SGCZ: variants seen among roughly 807,000 people sequenced by gnomAD.
SGCZ encodes zeta-sarcoglycan.
Under a neutral mutation model 41.3 loss-of-function variants are expected in SGCZ, and 40 were observed. The observed-to-expected ratio is 0.97, with a 90% CI of 0.75 to 1.26. The LOEUF is 1.26. SGCZ is among the 50% of genes most tolerant of loss of function. SGCZ has a pLI of 0.00. For missense variants in SGCZ, 552 were observed against 369.8 expected, an observed-to-expected ratio of 1.49 and a Z score of -4.04; for synonymous variants, 206 against 137.5, an observed-to-expected ratio of 1.50 and a Z score of -3.49.
At chr8:14,465,332 G>A (rs1392677260) in intron 2 of SGCZ, among the ~76,000 whole-genome samples, 1 of 151,522 alleles carries the variant, frequency 6.6e-6, no homozygotes, top group Non-Finnish European at 1.5e-5. Context: ...TTTTCTTGTG[G>A]AACCTTTTCT....
chr8:14,319,641 C>G (rs537015533), intron 3 of SGCZ: 1 of 151,956 alleles, frequency 6.6e-6, no homozygotes, highest in Non-Finnish European at 1.5e-5. Flanking sequence ...AGACCACAGA[C>G]GATGAGTAAC....
At position 14,092,569 on chromosome 8, in the gene SGCZ, G is replaced by A. The variant is rs1240065164; in HGVS notation, c.745-1932C>T. Among the ~76,000 whole-genome samples the A allele has an allele frequency of 2.0e-5, 3 of 152,056 alleles. No homozygotes were observed. In the East Asian group the frequency reaches 5.9e-4, roughly 30 times the overall value. On this transcript the variant is annotated intron_variant, in intron 7 of 7. Transcript: ENST00000382080. ...CCATGTATTGTGGGAGGGACCCAGT[G>A]GGAGATAGTTAAATCATGGGGGCAG... is the stretch of plus-strand genomic sequence containing the variant.
chr8:14,624,853 G>A (rs929213596), intron 1 of SGCZ, among the ~76,000 whole-genome samples: 1 of 151,924 alleles, frequency 6.6e-6, no homozygotes, highest in Non-Finnish European at 1.5e-5. Context: ...TTACAGGCAT[G>A]AGCCACCACA....
chr8:14,953,326 C>T (rs1036436063), intron 1 of SGCZ, among the ~76,000 whole-genome samples: 3 of 152,130 alleles, frequency 2.0e-5, no homozygotes. Context: ...TTCAAGCAAC[C>T]AGATGTCTTG....
At chr8:14,695,756 G>A (rs1286096264) in intron 1 of SGCZ, among the ~76,000 whole-genome samples, 1 of 151,216 alleles carries the variant, frequency 6.6e-6, no homozygotes, top group African/African-American at 2.4e-5. Context: ...CATATCTAAG[G>A]GCACAAATTA....
chr8:14,680,845 A>G (rs1418008654), intron 1 of SGCZ, among the ~76,000 whole-genome samples: 1 of 151,534 alleles, frequency 6.6e-6, no homozygotes, highest in African/African-American at 2.4e-5. Context: ...AGTGTCTTAG[A>G]TGAAATATAT....
At chr8:14,823,106 T>G (rs186692474) in intron 1 of SGCZ, among the ~76,000 whole-genome samples, 20 of 132,504 alleles carry the variant, frequency 1.5e-4, no homozygotes, top group African/African-American at 4.8e-4. Context: ...GTGCAAAACA[T>G]GAAACCGTGA....
intron 1 of SGCZ, among the ~76,000 whole-genome samples, chr8:14,882,084 G>C (rs1468374583): frequency 1.3e-5 from 2 of 152,208 alleles, no homozygotes; most frequent in African/African-American, 4.8e-5. Flanking sequence ...AGTGTTAAGA[G>C]GGAAATTTAT....
chr8:14,289,994 A>G (rs1412484261), intron 3 of SGCZ, among the ~76,000 whole-genome samples: 21 of 151,842 alleles, frequency 1.4e-4, no homozygotes, highest in Admixed American at 1.3e-3. Context: ...TTTAAACAGC[A>G]GATCTTGTGA....
chr8:15,149,499 C>T (rs1357254788), intron 1 of SGCZ, among the ~76,000 whole-genome samples: 2 of 152,100 alleles, frequency 1.3e-5, no homozygotes, highest in Non-Finnish European at 2.9e-5. Context: ...TTTTGCATTT[C>T]CTCCAGCCTC....
At chr8:15,236,909 C>A (rs1802143500) in intron 1 of SGCZ, among the ~76,000 whole-genome samples, 1 of 152,126 alleles carries the variant, frequency 6.6e-6, no homozygotes, top group Admixed American at 6.5e-5. Context: ...CCCGCCTCCC[C>A]GCCCCCTGCC....
intron 1 of SGCZ, among the ~76,000 whole-genome samples, chr8:15,203,167 C>T (rs1800950340): frequency 6.6e-6 from 1 of 152,034 alleles, no homozygotes; most frequent in African/African-American, 2.4e-5. Context: ...GACCCTCTAT[C>T]CTATTATATT....
chr8:14,742,013 T>C (rs1799210601), intron 1 of SGCZ, among the ~76,000 whole-genome samples: 1 of 152,098 alleles, frequency 6.6e-6, no homozygotes, highest in Admixed American at 6.6e-5. Flanking sequence ...ATTTAAGGCA[T>C]AATTATTTAT....
chr8:14,640,964 T>C (rs889950019), intron 1 of SGCZ, among the ~76,000 whole-genome samples: 2 of 151,794 alleles, frequency 1.3e-5, no homozygotes, highest in Non-Finnish European at 3.0e-5. Context: ...GGCTATAAAG[T>C]TAATGTTGGT....
chr8:15,072,180 T>A (rs1451469735), intron 1 of SGCZ, among the ~76,000 whole-genome samples: 2 of 152,060 alleles, frequency 1.3e-5, no homozygotes, highest in African/African-American at 4.8e-5. Context: ...ACATGTCTCG[T>A]CCCCAGTAAA....
intron 3 of SGCZ, among the ~76,000 whole-genome samples, chr8:14,245,772 A>C (rs1799065007): frequency 6.6e-6 from 1 of 152,196 alleles, no homozygotes; most frequent in East Asian, 1.9e-4. Flanking sequence ...CAACCCCATC[A>C]AAAAGTGGGT....
intron 2 of SGCZ, among the ~76,000 whole-genome samples, chr8:14,501,341 C>T (rs902562152): frequency 6.6e-6 from 1 of 152,030 alleles, no homozygotes; most frequent in Non-Finnish European, 1.5e-5. Context: ...ATTTCCCTTT[C>T]GCCAAATAAC....
chr8:14,784,021 C>A (rs1346726617), intron 1 of SGCZ, among the ~76,000 whole-genome samples: 1 of 151,018 alleles, frequency 6.6e-6, no homozygotes, highest in Admixed American at 6.6e-5. Flanking sequence ...ATAATTCTAA[C>A]CTTTAAATTT....
chr8:14,932,757 C>G (rs1007068623), intron 1 of SGCZ, among the ~76,000 whole-genome samples: 1 of 152,014 alleles, frequency 6.6e-6, no homozygotes, highest in Non-Finnish European at 1.5e-5. Flanking sequence ...AAACTTTCCA[C>G]TCCAAAACAA....
Sources: allele counts gnomAD v4.1 joint callset (sites outside exome capture counted in the v4.1 genomes callset), GRCh38; gene constraint gnomAD v4.1.1; transcripts MANE v1.5; gene names NCBI Gene and HGNC (gene_info 2026-07-23, HGNC 2026-07-21).